The following GRIP1 variants were observed in gnomAD, a reference collection of about 807,000 sequenced individuals.
GRIP1 encodes glutamate receptor interacting protein 1, also known as glutamate receptor-interacting protein 1.
In GRIP1, 45 loss-of-function variants were observed where a neutral mutation model predicts 129.9. The observed-to-expected ratio is 0.35, with a 90% confidence interval of 0.27 to 0.44. The LOEUF is 0.44. Among genes scored for constraint, GRIP1 ranks in the 20% least tolerant of loss-of-function variants. GRIP1 has a pLI of 1.00. For synonymous variants in GRIP1, 530 were observed against 520.8 expected (o/e 1.02, Z -0.24); for missense variants, 1,196 against 1,396.8 (o/e 0.86, Z 2.29).
At chr12:66,630,387 C>T (rs1471189035) in intron 1 of GRIP1, 1 of 152,022 alleles carries the variant, frequency 6.6e-6, no homozygotes, top group Non-Finnish European at 1.5e-5. Flanking sequence ...CAAATCCCAA[C>T]TCTCAGTCTC....
chr12:66,752,334 T>C (rs2037153887), intron 1 of GRIP1, among the ~76,000 whole-genome samples: 1 of 152,176 alleles, frequency 6.6e-6, no homozygotes, highest in Non-Finnish European at 1.5e-5. Context: ...TTTTCAAAGA[T>C]ACTAAATTCA....
chr12:66,771,824 C>A (rs541318075), intron 1 of GRIP1, among the ~76,000 whole-genome samples: 2 of 152,312 alleles, frequency 1.3e-5, no homozygotes, highest in South Asian at 4.1e-4. Context: ...GGGCCACATA[C>A]AGCCAAAAGT....
intron 1 of GRIP1, among the ~76,000 whole-genome samples, chr12:67,010,873 C>A (rs191909510): frequency 3.9e-4 from 60 of 152,228 alleles, no homozygotes; most frequent in Non-Finnish European, 3.8e-4. Flanking sequence ...CCTTTGACTG[C>A]TCCTTCTCAG....
chr12:66,606,092 C>T (rs10878462), intron 1 of GRIP1, among the ~76,000 whole-genome samples: 37,182 of 151,954 alleles, frequency 0.24, 4,899 homozygotes, highest in African/African-American at 0.34. Flanking sequence ...AAGTGTGTAA[C>T]GGCCTTAGAA....
intron 2 of GRIP1, among the ~76,000 whole-genome samples, chr12:66,587,889 C>A (rs1406387304): frequency 6.6e-6 from 1 of 152,118 alleles, no homozygotes; most frequent in Non-Finnish European, 1.5e-5. Flanking sequence ...TTTCCACCCA[C>A]ATTTTGAAGG....
At chr12:66,469,743 C>A (rs539069864) in intron 7 of GRIP1, among the ~76,000 whole-genome samples, 1 of 152,342 alleles carries the variant, frequency 6.6e-6, no homozygotes, top group South Asian at 2.1e-4. Flanking sequence ...ATTCTCTCAC[C>A]TCAGTAGCCC....
At chr12:66,513,785 A>C (rs1007099633) in intron 7 of GRIP1, among the ~76,000 whole-genome samples, 1 of 152,140 alleles carries the variant, frequency 6.6e-6, no homozygotes, top group Non-Finnish European at 1.5e-5. Context: ...GGTTTCATTC[A>C]GAATGTGAGA....
chr12:66,454,616 A>G (rs1329151975), intron 11 of GRIP1, among the ~76,000 whole-genome samples: 3 of 152,192 alleles, frequency 2.0e-5, no homozygotes, highest in Non-Finnish European at 4.4e-5. Context: ...TTACCCCTCT[A>G]TTCAGACAAC....
At chr12:66,588,986 AATT>A (rs1297107419) in intron 2 of GRIP1, among the ~76,000 whole-genome samples, 17 of 92,510 alleles carry the variant, frequency 1.8e-4, no homozygotes, top group Admixed American at 3.5e-4. Flanking sequence ...CAAAAAAAAA[AATT>A]AAATAAATAA....
chr12:66,545,188 T>C (rs896380571), intron 2 of GRIP1, among the ~76,000 whole-genome samples: 4 of 152,184 alleles, frequency 2.6e-5, no homozygotes, highest in African/African-American at 7.2e-5. Context: ...ATAAATGGTA[T>C]AGGTTTACAG....
Position 66,695,818 on chromosome 12 carries a change from T to A in GRIP1, c.-419-65482A>T, listed in dbSNP as rs1217335711. On this transcript the variant is annotated intron_variant, in intron 1 of 4. Coordinates refer to the GRIP1 transcript ENST00000538373. ...TTCAGTGGAATATCAGCTTTATTGA[T>A]ACTATCAGTAGGATGTGTGGATGCA... Among the ~76,000 whole-genome samples the A allele has an allele frequency of 2.6e-5, 4 of 152,212 alleles. No individual in the cohort carries two copies. In the South Asian group the frequency reaches 8.3e-4, roughly 32 times the overall value.
chr12:66,698,995 C>T (rs1229342334), intron 1 of GRIP1, among the ~76,000 whole-genome samples: 2 of 152,140 alleles, frequency 1.3e-5, no homozygotes, highest in Non-Finnish European at 2.9e-5. Flanking sequence ...TAAATGCCAG[C>T]TGTTGCTACC....
rs758075509 is a variant in GRIP1 at position 66,760,847 on chromosome 12, C to CT, written c.-420+43205dup. Among the ~76,000 whole-genome samples the CT allele has an allele frequency of 5.3e-3, 765 of 144,078 alleles. 3 individuals are homozygous for CT. Among genetic ancestry groups the CT allele is most frequent in the African/African-American group, 0.015 (610 of 39,386 alleles). The allele number at this position is 144,078 out of a possible 152,430, so 94.5% of individuals were successfully genotyped here. ...AACTTCAAATTCTGTTAGTTAGTAT[C>CT]TTTTTTTTTTTTTTAATTCCCCAAA... On this transcript the variant is annotated intron_variant, in intron 1 of 4. Coordinates refer to the GRIP1 transcript ENST00000538373.
intron 7 of GRIP1, among the ~76,000 whole-genome samples, chr12:66,474,678 A>T (rs912020356): frequency 1.3e-5 from 2 of 150,394 alleles, no homozygotes; most frequent in Non-Finnish European, 2.9e-5. Flanking sequence ...AATATTCAAC[A>T]TTCTTAAAGA....
chr12:66,422,227 C>T (rs948956557), intron 14 of GRIP1, among the ~76,000 whole-genome samples: 2 of 152,072 alleles, frequency 1.3e-5, no homozygotes, highest in Non-Finnish European at 2.9e-5. Context: ...ACGCATATAC[C>T]GATACCTTAC....
chr12:66,716,626 G>A (rs1025212501), intron 1 of GRIP1, among the ~76,000 whole-genome samples: 3 of 151,718 alleles, frequency 2.0e-5, no homozygotes, highest in African/African-American at 7.3e-5. Flanking sequence ...TGGAGGCATG[G>A]GTTAAGAATA....
intron 14 of GRIP1, among the ~76,000 whole-genome samples, chr12:66,426,443 T>A (rs2057990107): frequency 1.3e-5 from 2 of 152,144 alleles, no homozygotes; most frequent in South Asian, 4.1e-4. Context: ...TTTTTCCCCC[T>A]CTGAATGTCA....
intron 2 of GRIP1, among the ~76,000 whole-genome samples, chr12:66,544,474 C>T (rs2061884352): frequency 6.6e-6 from 1 of 152,096 alleles, no homozygotes; most frequent in Admixed American, 6.6e-5. Flanking sequence ...AGAAGATGGT[C>T]CAGGCAACAA....
chr12:66,918,600 A>G (rs2041164869), intron 1 of GRIP1, among the ~76,000 whole-genome samples: 1 of 152,182 alleles, frequency 6.6e-6, no homozygotes, highest in Admixed American at 6.5e-5. Flanking sequence ...TTAGGACATT[A>G]AAATATTTTC....
Sources: gnomAD v4.1 joint callset for allele counts (sites outside exome capture counted in the v4.1 genomes callset) on GRCh38, gnomAD v4.1.1 for gene constraint, MANE v1.5 for transcripts, NCBI Gene and HGNC (gene_info 2026-07-23, HGNC 2026-07-21) for gene names.